ALK: variants seen among roughly 807,000 people sequenced by gnomAD.
ALK encodes ALK receptor tyrosine kinase.
A neutral mutation model predicts 163.1 loss-of-function variants in ALK; 74 were observed. The observed-to-expected ratio is 0.45, with a 90% confidence interval of 0.38 to 0.55. ALK has a LOEUF of 0.55. Ranked by LOEUF, ALK falls within the 20% of genes least tolerant of loss-of-function variation. The pLI is 0.00. For missense variants in ALK, 2,063 were observed against 2,105.3 expected (o/e 0.98, Z 0.39); for synonymous variants, 960 against 843.2 (o/e 1.14, Z -2.40).
At chr2:29,823,429 G>A (rs1174665676) in intron 1 of ALK, among the ~76,000 whole-genome samples, 2 of 152,160 alleles carry the variant, frequency 1.3e-5, no homozygotes, top group East Asian at 1.9e-4. Context: ...CAGTTTGGGG[G>A]GCTCAGAATA....
Position 29,748,721 on chromosome 2 carries a change from C to T in ALK, c.668-31024G>A, listed in dbSNP as rs80303570. Among the ~76,000 whole-genome samples the T allele has an allele frequency of 3.8e-3, 579 of 152,046 alleles. 4 individuals are homozygous for T. The highest frequency in any genetic ancestry group is 0.013 in the African/African-American group (537 of 41,488). The stretch of plus-strand genomic sequence containing the variant: ...AGTGATTCAGAAGAAGGCGCTTAGT[C>T]GATGGTACTTTAAGAGATACTAACA... On this transcript the variant is annotated intron_variant, in intron 1 of 28. Coordinates refer to ENST00000389048, the MANE Select transcript of ALK (RefSeq NM_004304.5).
At chr2:29,863,509 A>AT (rs58614325) in intron 1 of ALK, among the ~76,000 whole-genome samples, 74 of 151,872 alleles carry the variant, frequency 4.9e-4, no homozygotes, top group African/African-American at 1.6e-3. Flanking sequence ...CAATAAGAAT[A>AT]TTTTTTTTTA....
chr2:29,309,720 T>G (rs1666645259), intron 8 of ALK, among the ~76,000 whole-genome samples: 1 of 139,362 alleles, frequency 7.2e-6, no homozygotes, highest in African/African-American at 2.7e-5. Context: ...AAGAGGGTTA[T>G]GCTTGCAACC....
intron 1 of ALK, among the ~76,000 whole-genome samples, chr2:29,739,723 C>T (rs575057875): frequency 1.3e-5 from 2 of 152,090 alleles, no homozygotes; most frequent in South Asian, 2.1e-4. Context: ...GAAAATTCTG[C>T]CTTGTATTAT....
At chr2:29,846,065 T>C (rs561425894) in intron 1 of ALK, among the ~76,000 whole-genome samples, 1 of 152,338 alleles carries the variant, frequency 6.6e-6, no homozygotes, top group South Asian at 2.1e-4. Flanking sequence ...AAAAGAAATC[T>C]GGTTTTGGGC....
At chr2:29,206,186 TCCTC>T (rs753236232) in intron 26 of ALK, among the ~76,000 whole-genome samples, 2 of 151,518 alleles carry the variant, frequency 1.3e-5, no homozygotes, top group South Asian at 2.1e-4. Context: ...CTTCTTTTCT[TCCTC>T]CCTCCCTCCC....
intron 4 of ALK, among the ~76,000 whole-genome samples, chr2:29,397,286 C>T (rs368725714): frequency 6.6e-6 from 1 of 151,962 alleles, no homozygotes; most frequent in Non-Finnish European, 1.5e-5. Context: ...GGGAGAATGC[C>T]GTGTGAATAT....
chr2:29,224,731 G>T, intron 19 of ALK: 1 of 216,850 alleles, frequency 4.6e-6, no homozygotes, highest in Admixed American at 5.8e-5. Context: ...TAGTAACCAT[G>T]CAACAAGTGT....
intron 5 of ALK, among the ~76,000 whole-genome samples, chr2:29,363,256 GTC>G (rs1440804959): frequency 6.6e-6 from 1 of 152,228 alleles, no homozygotes; most frequent in East Asian, 1.9e-4. Context: ...CTCTGGGAAT[GTC>G]TCTTCTCTGG....
chr2:29,276,180 T>TC (rs1170942233), intron 9 of ALK, among the ~76,000 whole-genome samples: 1 of 152,148 alleles, frequency 6.6e-6, no homozygotes, highest in African/African-American at 2.4e-5. Context: ...TCATCCAGCA[T>TC]CACTGGAGGT....
chr2:29,335,824 G>A (rs1667594731), intron 5 of ALK, among the ~76,000 whole-genome samples: 1 of 152,160 alleles, frequency 6.6e-6, no homozygotes, highest in Non-Finnish European at 1.5e-5. Flanking sequence ...TGGATTGCTT[G>A]TGGTCAGGAG....
intron 1 of ALK, among the ~76,000 whole-genome samples, chr2:29,779,532 A>G (rs1305595319): frequency 6.6e-6 from 1 of 152,194 alleles, no homozygotes; most frequent in East Asian, 1.9e-4. Flanking sequence ...CACCAGCAAT[A>G]CGGACTCCTG....
chr2:29,381,890 T>C (rs944881683), intron 5 of ALK, among the ~76,000 whole-genome samples: 2 of 152,230 alleles, frequency 1.3e-5, no homozygotes, highest in African/African-American at 2.4e-5. Flanking sequence ...CCTGAATTTG[T>C]CTTCTATGGG....
rs560079025 is a variant in ALK, at chr2:29,533,162, G to A, written c.953-1046C>T. Among the ~76,000 whole-genome samples the A allele has an allele frequency of 3.3e-5, 5 of 152,324 alleles. No individual in the cohort carries two copies. In the South Asian group the frequency reaches 1.0e-3, roughly 32 times the overall value. The stretch of plus-strand genomic sequence containing the variant: ...TGGTTAAAATCAGGATGAAGCATAA[G>A]ACCGTGTCTGAGCTGGATCGAGAAC... On this transcript the variant is annotated intron_variant, in intron 3 of 28. Transcript: ENST00000389048.
chr2:29,640,418 T>C (rs544089928), intron 3 of ALK, among the ~76,000 whole-genome samples: 9 of 152,156 alleles, frequency 5.9e-5, no homozygotes, highest in Non-Finnish European at 1.0e-4. Context: ...GTGTGACACC[T>C]ACTTCCTACG....
chr2:29,387,841 C>T (rs1445358893), intron 4 of ALK, among the ~76,000 whole-genome samples: 3 of 152,196 alleles, frequency 2.0e-5, no homozygotes, highest in African/African-American at 4.8e-5. Context: ...ATTGAGTTAC[C>T]TGCAGACTTA....
At chr2:29,699,084 C>G (rs1022655676) in intron 2 of ALK, among the ~76,000 whole-genome samples, 1 of 152,182 alleles carries the variant, frequency 6.6e-6, no homozygotes, top group African/African-American at 2.4e-5. Context: ...TCTCCTTCAC[C>G]CTCTTCCAAC....
rs1669064677 is a variant in ALK at position 29,197,879 on chromosome 2, T to C, written c.3939-203A>G. On this transcript the variant is annotated intron_variant, in intron 26 of 28. Coordinates refer to ENST00000389048, the MANE Select transcript of ALK (RefSeq NM_004304.5). ...ATGCTCCCTTAAAAGACAACCCCTG[T>C]TGATTTTTAAGTCGTTTCTGTGCTG... Among the ~76,000 whole-genome samples the C allele has an allele frequency of 2.0e-5, 3 of 152,204 alleles. No homozygotes were observed. The South Asian group carries it at 6.2e-4, about 32-fold the overall frequency.
chr2:29,302,749 G>C (rs1666405599), intron 8 of ALK, among the ~76,000 whole-genome samples: 1 of 152,070 alleles, frequency 6.6e-6, no homozygotes, highest in Non-Finnish European at 1.5e-5. Flanking sequence ...TTCATCCACT[G>C]AGTGTTCAGT....
Sources: allele counts gnomAD v4.1 joint callset (sites outside exome capture counted in the v4.1 genomes callset), GRCh38; gene constraint gnomAD v4.1.1; transcripts MANE v1.5; gene names NCBI Gene and HGNC (gene_info 2026-07-23, HGNC 2026-07-21).